SMCHD1: variants seen among roughly 807,000 people sequenced by gnomAD.
SMCHD1 encodes the protein structural maintenance of chromosomes flexible hinge domain containing 1.
Under a neutral mutation model 254.7 loss-of-function variants are expected in SMCHD1, and 78 were observed. The ratio of observed to expected loss-of-function variants is 0.31; its 90% confidence interval spans 0.26 to 0.37. The LOEUF is 0.37. Ranked by LOEUF, SMCHD1 falls within the 10% of genes least tolerant of loss-of-function variation. The pLI is 1.00. For missense variants in SMCHD1, 1,840 were observed against 2,408.1 expected, an observed-to-expected ratio of 0.76 and a Z score of 4.94; for synonymous variants, 766 against 794.9, an observed-to-expected ratio of 0.96 and a Z score of 0.61.
chr18:2,657,657 A>G (rs1598268122), intron 1 of SMCHD1, among the ~76,000 whole-genome samples: 1 of 152,144 alleles, frequency 6.6e-6, no homozygotes. Context: ...CATTTTTTAA[A>G]TTACTAAAAT....
chr18:2,738,786 T>C lies in SMCHD1; in HGVS notation c.3425+241T>C, dbSNP rs1185047718. ...AAGGAAAGTTTAGTGCCAGTAACAG[T>C]GAAAACACCTGCAAAATGACAAAGA... On this transcript the variant is annotated intron_variant, in intron 26 of 47. Transcript: ENST00000320876. 7.2e-5 allele frequency among the ~76,000 whole-genome samples: 11 copies of C among 152,146 alleles called. No homozygotes were observed. The East Asian group carries it at 1.9e-3, about 27-fold the overall frequency.
At chr18:2,672,576 A>G (rs1254506933) in intron 3 of SMCHD1, among the ~76,000 whole-genome samples, 1 of 152,226 alleles carries the variant, frequency 6.6e-6, no homozygotes, top group Non-Finnish European at 1.5e-5. Context: ...AAGCTTCTGC[A>G]GAATTAAGAT....
At chr18:2,773,471 GA>G (rs2076016016) in intron 41 of SMCHD1, among the ~76,000 whole-genome samples, 1 of 152,064 alleles carries the variant, frequency 6.6e-6, no homozygotes, top group Non-Finnish European at 1.5e-5. Context: ...AAATCTGGGG[GA>G]AATCTTTGAA....
At chr18:2,798,189 G>A (rs1466818093) in intron 47 of SMCHD1, among the ~76,000 whole-genome samples, 9 of 152,076 alleles carry the variant, frequency 5.9e-5, no homozygotes, top group African/African-American at 9.7e-5. Flanking sequence ...AACTATTGTC[G>A]GACATAGAGG....
At chr18:2,679,541 A>G (rs914944365) in intron 5 of SMCHD1, among the ~76,000 whole-genome samples, 12 of 147,356 alleles carry the variant, frequency 8.1e-5, no homozygotes. Flanking sequence ...AACACTTTGA[A>G]TATGTTCGTT....
intron 10 of SMCHD1, among the ~76,000 whole-genome samples, chr18:2,698,490 T>C (rs989328657): frequency 6.6e-6 from 1 of 152,250 alleles, no homozygotes; most frequent in African/African-American, 2.4e-5. Flanking sequence ...TCAATGCATC[T>C]GTGTTTTTCT....
At chr18:2,786,138 C>T (rs2076236549) in intron 45 of SMCHD1, among the ~76,000 whole-genome samples, 1 of 152,066 alleles carries the variant, frequency 6.6e-6, no homozygotes, top group African/African-American at 2.4e-5. Context: ...CTCAGCCACC[C>T]AAGTTGCTGG....
intron 1 of SMCHD1, among the ~76,000 whole-genome samples, chr18:2,663,271 A>AT (rs112166951): frequency 0.039 from 5,679 of 145,118 alleles, 164 homozygotes; most frequent in African/African-American, 0.087. Flanking sequence ...ATGCCCAGCT[A>AT]TTTTTTTTTT....
intron 20 of SMCHD1, 85 bp downstream of exon 20, chr18:2,722,748 A>C: frequency 8.3e-7 from 1 of 1,210,558 alleles, no homozygotes; most frequent in Non-Finnish European, 1.1e-6. Flanking sequence ...TTTTGTGTGT[A>C]AGGTGTTCAA....
rs888335072 is a variant in SMCHD1, at chr18:2,750,001, T to A, written c.3928-42T>A. 7 of 1,496,474 alleles carry A rather than the reference T, an allele frequency of 4.7e-6. No individual in the cohort carries two copies. In the African/African-American group the frequency reaches 5.6e-5, roughly 12 times the overall value. The allele number at this position is 1,496,474 out of a possible 1,614,324, so 92.7% of individuals were successfully genotyped here. On this transcript the variant is annotated intron_variant, in intron 30 of 47. Coordinates refer to ENST00000320876, the MANE Select transcript of SMCHD1 (RefSeq NM_015295.3). ...GGAAGAAAAGAACTTGATTGATCTC[T>A]AGAATTTTCTAATTAACCATTTTGT...
chr18:2,691,146 T>C (rs1453433171), intron 7 of SMCHD1, among the ~76,000 whole-genome samples: 1 of 152,192 alleles, frequency 6.6e-6, no homozygotes, highest in African/African-American at 2.4e-5. Context: ...TATTCCATCT[T>C]GTCTTAACCA....
chr18:2,800,637 C>T (rs1371751901), intron 47 of SMCHD1: 1 of 152,096 alleles, frequency 6.6e-6, no homozygotes, highest in African/African-American at 2.4e-5. Flanking sequence ...CATGCTCGGC[C>T]CAACATCCAC....
intron 39 of SMCHD1, among the ~76,000 whole-genome samples, chr18:2,770,686 ATC>A (rs2075961929): frequency 6.6e-6 from 1 of 152,038 alleles, no homozygotes; most frequent in Non-Finnish European, 1.5e-5. Flanking sequence ...CAGTGGCACG[ATC>A]TCACTCACTG....
At chr18:2,705,830 A>G (rs1465121475) in intron 14 of SMCHD1, 23 bp downstream of exon 14, 3 of 1,378,384 alleles carry the variant, frequency 2.2e-6, no homozygotes, top group African/African-American at 1.4e-5. Context: ...GTGATAAAAC[A>G]TACTGAAAGT....
intron 44 of SMCHD1, among the ~76,000 whole-genome samples, chr18:2,779,419 A>G (rs2143791156): frequency 6.6e-6 from 1 of 152,310 alleles, no homozygotes; most frequent in South Asian, 2.1e-4. Context: ...AGAGTTTTAG[A>G]AGCCCTTTTG....
intron 37 of SMCHD1, among the ~76,000 whole-genome samples, chr18:2,768,663 ATATAGTGTACTATATACTATACTACTAG>A (rs2075916664): frequency 9.5e-6 from 1 of 105,806 alleles, no homozygotes. Flanking sequence ...ATAGTATAGT[ATATAGTGTACTATATACTATACTACTAG>A]TATAGTACTA....
At chr18:2,666,805 C>G in intron 2 of SMCHD1, 65 bp from the exon 3 acceptor site, 2 of 1,295,492 alleles carry the variant, frequency 1.5e-6, no homozygotes. Flanking sequence ...TGTATATTCA[C>G]AATTATAAGT....
chr18:2,751,513 C>T, intron 33 of SMCHD1, 120 bp downstream of exon 33: 1 of 606,186 alleles, frequency 1.6e-6, no homozygotes, highest in Admixed American at 3.8e-5. Context: ...AGTGAATTTA[C>T]TTCATTCCTT....
At chr18:2,757,206 T>C (rs922363286) in intron 34 of SMCHD1, among the ~76,000 whole-genome samples, 3 of 152,152 alleles carry the variant, frequency 2.0e-5, no homozygotes, top group Non-Finnish European at 4.4e-5. Context: ...GATCAAAAAT[T>C]GTTTTTTCTT....
Sources: gnomAD v4.1 joint callset for allele counts (sites outside exome capture counted in the v4.1 genomes callset) on GRCh38, gnomAD v4.1.1 for gene constraint, MANE v1.5 for transcripts, NCBI Gene and HGNC (gene_info 2026-07-23, HGNC 2026-07-21) for gene names.